Variants in PAK1 observed in about 807,000 individuals in gnomAD.
The protein encoded by PAK1 is p21 (RAC1) activated kinase 1.
Under a neutral mutation model 67.4 loss-of-function variants are expected in PAK1, and 29 were observed. The observed-to-expected ratio is 0.43, with a 90% CI of 0.32 to 0.59. The LOEUF (loss-of-function observed/expected upper bound fraction) is 0.59, where lower values mean the gene tolerates loss of function less well. Ranked by LOEUF, PAK1 falls within the 20% of genes least tolerant of loss-of-function variation. PAK1 has a pLI of 0.07. For synonymous variants in PAK1, 223 were observed against 237.4 expected (o/e 0.94, Z 0.56); for missense variants, 337 against 670.7 (o/e 0.50, Z 5.50).
At chr11:77,371,750 TG>T (rs1472949178) in intron 5 of PAK1, among the ~76,000 whole-genome samples, 2 of 152,222 alleles carry the variant, frequency 1.3e-5, no homozygotes, top group Non-Finnish European at 2.9e-5. Context: ...ACAAATGTTC[TG>T]AACTAGGGGA....
intron 1 of PAK1, among the ~76,000 whole-genome samples, chr11:77,399,858 CAAAAAAAAAAAAAAAAAAAA>C (rs34662738): frequency 4.7e-5 from 2 of 42,362 alleles, no homozygotes; most frequent in Admixed American, 9.0e-4. Context: ...GACTCCGTCT[CAAAAAAAAAAAAAAAAAAAA>C]AAAAAAAAGA....
intron 5 of PAK1, among the ~76,000 whole-genome samples, chr11:77,371,535 T>C (rs1485052825): frequency 6.6e-6 from 1 of 152,212 alleles, no homozygotes; most frequent in Admixed American, 6.5e-5. Context: ...TGCTGGTTTC[T>C]ACTACTAACT....
intron 8 of PAK1, among the ~76,000 whole-genome samples, chr11:77,352,471 C>T (rs973684701): frequency 1.3e-5 from 2 of 152,124 alleles, no homozygotes; most frequent in African/African-American, 4.8e-5. Flanking sequence ...TTCCTATCAC[C>T]CAGTAACACT....
At position 77,408,821 on chromosome 11, in the gene PAK1, A is replaced by G. The variant is rs186988464; in HGVS notation, c.-21-16280T>C. ...CAAGTAATCCAATTTAAAAACTGGC[A>G]AAGATCTGAACGGACATTTTTCGTA... On this transcript the variant is annotated intron_variant, in intron 1 of 14. Transcript: ENST00000356341. 1.7e-4 allele frequency among the ~76,000 whole-genome samples: 26 copies of G among 152,370 alleles called. 1 individual carries two copies. The highest frequency in any genetic ancestry group is 1.4e-3 in the Admixed American group (22 of 15,312).
chr11:77,407,080 C>A (rs1953699483), intron 1 of PAK1, among the ~76,000 whole-genome samples: 1 of 151,968 alleles, frequency 6.6e-6, no homozygotes, highest in Admixed American at 6.6e-5. Flanking sequence ...TTTATAATAA[C>A]CCTTCAAAGT....
At chr11:77,466,387 A>G (rs994826196) in intron 1 of PAK1, among the ~76,000 whole-genome samples, 3 of 152,142 alleles carry the variant, frequency 2.0e-5, no homozygotes, top group African/African-American at 7.2e-5. Context: ...GCAGATCACA[A>G]GGTCAGGAGA....
At position 77,347,346 on chromosome 11, in the gene PAK1, A is replaced by G. The variant is rs551382223; in HGVS notation, c.885+1893T>C. On this transcript the variant is annotated intron_variant, in intron 9 of 14. Coordinates refer to ENST00000356341, the MANE Select transcript of PAK1 (RefSeq NM_002576.5). ...AGCTCTGTTGTGCTCTTGCGGCCCAAAACACACAGGATTAGGAGTCAAAGA... is the reference window on the plus strand; with the variant it reads ...AGCTCTGTTGTGCTCTTGCGGCCCAGAACACACAGGATTAGGAGTCAAAGA... Among the ~76,000 whole-genome samples, 4 of 152,260 alleles carry G rather than the reference A, an allele frequency of 2.6e-5. No homozygotes were observed. The South Asian group carries it at 8.3e-4, about 32-fold the overall frequency.
chr11:77,323,088 G>T lies in PAK1; in HGVS notation c.*186C>A. On this transcript the variant is annotated 3_prime_UTR_variant, in exon 15 of 15. Transcript: ENST00000356341. ...TTTAGAAATGGCCATCATCTGATTA[G>T]TCATTCAGTTGCAGTTCTCTTCAAT... 1 of 1,036,956 alleles carries T rather than the reference G, an allele frequency of 9.6e-7. No homozygotes were observed. Among genetic ancestry groups the T allele is most frequent in the Non-Finnish European group, 1.5e-6 (1 of 687,872 alleles). 64.2% of individuals were successfully genotyped at this position (1,036,956 alleles called of 1,614,324 possible).
At chr11:77,340,462 T>TAA (rs150792135) in intron 11 of PAK1, among the ~76,000 whole-genome samples, 184 bp downstream of exon 11, 1 of 149,854 alleles carries the variant, frequency 6.7e-6, no homozygotes, top group African/African-American at 2.4e-5. Flanking sequence ...AAGTTATCGT[T>TAA]AAAAAAAAAA....
In PAK1 at chr11:77,332,724, A is replaced by T. The variant is rs772132736; in HGVS notation, c.1551+6T>A. 1.2e-6 allele frequency: 2 copies of T among 1,613,008 alleles called. No individual in the cohort carries two copies. Among genetic ancestry groups the T allele is most frequent in the Non-Finnish European group, 1.7e-6 (2 of 1,179,108 alleles). ...ATTAGGTGCTTCCCTGCATAAGGAC[A>T]GTTACCTGTAGCAGCTCTTTAGCTG... On this transcript the variant is annotated splice_donor_region_variant and intron_variant, in intron 14 of 14. Transcript: ENST00000356341.
intron 5 of PAK1, among the ~76,000 whole-genome samples, chr11:77,365,846 GA>G (rs71473341): frequency 0.37 from 51,709 of 138,458 alleles, 9,239 homozygotes; most frequent in African/African-American, 0.48. Context: ...AAAAGAAAAA[GA>G]AAAAAAAAAA....
At chr11:77,378,705 A>G (rs1019365732) in intron 4 of PAK1, among the ~76,000 whole-genome samples, 18 of 152,064 alleles carry the variant, frequency 1.2e-4, no homozygotes, top group African/African-American at 3.6e-4. Context: ...CCTTCTCCTC[A>G]GCTTCCCAAG....
At chr11:77,436,494 C>G (rs1956135974) in intron 1 of PAK1, among the ~76,000 whole-genome samples, 1 of 152,182 alleles carries the variant, frequency 6.6e-6, no homozygotes. Flanking sequence ...ATCTCTCTCT[C>G]TTAATTACCT....
intron 1 of PAK1, among the ~76,000 whole-genome samples, chr11:77,418,920 C>T (rs936713070): frequency 1.9e-4 from 29 of 152,074 alleles, no homozygotes; most frequent in African/African-American, 4.6e-4. Context: ...ACCAGGTAGA[C>T]GAAACAACAA....
chr11:77,474,826 G>C (rs553905439), upstream of PAK1: 118 of 152,214 alleles, frequency 7.8e-4, no homozygotes, highest in African/African-American at 2.7e-3. Flanking sequence ...TTTCTCCTGA[G>C]CTCAGATTGT....
intron 1 of PAK1, among the ~76,000 whole-genome samples, chr11:77,457,097 G>GT (rs1407516056): frequency 6.6e-6 from 1 of 152,086 alleles, no homozygotes; most frequent in Non-Finnish European, 1.5e-5. Flanking sequence ...AACCACAGAG[G>GT]TTAACTAAAA....
chr11:77,440,131 T>G (rs368710685), intron 1 of PAK1, among the ~76,000 whole-genome samples: 2 of 152,204 alleles, frequency 1.3e-5, no homozygotes, highest in Non-Finnish European at 2.9e-5. Context: ...AAAATGAATA[T>G]ATCAGAAAAG....
At chr11:77,455,769 T>G (rs1957053848) in intron 1 of PAK1, 1 of 152,228 alleles carries the variant, frequency 6.6e-6, no homozygotes, top group Non-Finnish European at 1.5e-5. Flanking sequence ...TACCATGTCT[T>G]TGCATCAGCT....
chr11:77,330,675 A>T lies in PAK1; in HGVS notation c.1551+2055T>A, dbSNP rs560148254. On this transcript the variant is annotated intron_variant, in intron 14 of 14. Transcript: ENST00000356341. ...ACTTAAATGTTAGACCTAAAATGAT[A>T]AAAACCCTAGAAGAAAACCTAGGCA... 3.9e-5 allele frequency among the ~76,000 whole-genome samples: 6 copies of T among 152,362 alleles called. No individual in the cohort carries two copies. The East Asian group carries it at 1.2e-3, about 29-fold the overall frequency.
Sources: gnomAD v4.1 joint callset for allele counts (sites outside exome capture counted in the v4.1 genomes callset) on GRCh38, gnomAD v4.1.1 for gene constraint, MANE v1.5 for transcripts, NCBI Gene and HGNC (gene_info 2026-07-23, HGNC 2026-07-21) for gene names.